Variants in ERICH2 observed in about 807,000 individuals in gnomAD.
The protein encoded by ERICH2 is glutamate rich 2, also known as glutamate-rich protein 2.
In ERICH2, 17 loss-of-function variants were observed where a neutral mutation model predicts 17.4. That is an observed-to-expected ratio of 0.98 (90% CI 0.67 to 1.47). ERICH2 has a LOEUF of 1.47. Among genes scored for constraint, ERICH2 ranks in the 40% most tolerant of loss-of-function variants. ERICH2 has a pLI of 0.00. For synonymous variants in ERICH2, 51 were observed against 61.1 expected (o/e 0.83, Z 0.77); for missense variants, 186 against 183.2 (o/e 1.01, Z -0.09).
chr2:170,789,294 A>C (rs1456423297), intron 2 of ERICH2, among the ~76,000 whole-genome samples: 1 of 152,090 alleles, frequency 6.6e-6, no homozygotes, highest in Non-Finnish European at 1.5e-5. Flanking sequence ...GAAATACTTG[A>C]AATTGGTTGT....
intron 2 of ERICH2, among the ~76,000 whole-genome samples, chr2:170,792,404 TAAA>T (rs1320175774): frequency 6.6e-6 from 1 of 152,128 alleles, no homozygotes; most frequent in Admixed American, 6.5e-5. Flanking sequence ...AAAAGTATAA[TAAA>T]AATAATAAAA....
intron 1 of ERICH2, among the ~76,000 whole-genome samples, 155 bp from the exon 7 acceptor site, chr2:170,784,489 TGA>T (rs1172194411): frequency 2.0e-5 from 3 of 152,178 alleles, no homozygotes; most frequent in Non-Finnish European, 2.9e-5. Context: ...GAGATTTAAA[TGA>T]GTTAAAATAT....
rs1196580024 is a variant in ERICH2 at position 170,798,130 on chromosome 2, A to C, written c.346+18A>C. On this transcript the variant is annotated intron_variant, in intron 4 of 4. Transcript: ENST00000409885. The stretch of plus-strand genomic sequence containing the variant: ...GCTGATGGGTAATTTTAAAAATTGA[A>C]ATTCCTTGTTTCTCATAGAACTATA... 2 of 1,478,226 alleles carry C rather than the reference A, an allele frequency of 1.4e-6. No individual in the cohort carries two copies. The highest frequency in any genetic ancestry group is 1.8e-6 in the Non-Finnish European group (2 of 1,081,654). The allele number at this position is 1,478,226 out of a possible 1,614,324, so 91.6% of individuals were successfully genotyped here.
intron 2 of ERICH2, among the ~76,000 whole-genome samples, chr2:170,787,796 C>T (rs1436292178): frequency 6.6e-6 from 1 of 151,684 alleles, no homozygotes; most frequent in Non-Finnish European, 1.5e-5. Context: ...ATGCTGGCCC[C>T]TGGAAACAGC....
chr2:170,795,607 G>A (rs1215422110), intron 3 of ERICH2, among the ~76,000 whole-genome samples: 4 of 152,080 alleles, frequency 2.6e-5, no homozygotes, highest in Non-Finnish European at 4.4e-5. Context: ...TCAGCCTCCC[G>A]AAGTGTTGGG....
chr2:170,777,454 T>C, the ERICH2 span: 1 of 1,210,998 alleles, frequency 8.3e-7, no homozygotes, highest in Non-Finnish European at 1.0e-6. Flanking sequence ...TGAAAGAATA[T>C]GTTTAGCCAC....
chr2:170,793,947 C>T (rs1290801282), intron 3 of ERICH2, among the ~76,000 whole-genome samples: 2 of 151,890 alleles, frequency 1.3e-5, no homozygotes, highest in Non-Finnish European at 2.9e-5. Flanking sequence ...CACTTCTAGT[C>T]TATCCTCTCT....
upstream of ERICH2, among the ~76,000 whole-genome samples, chr2:170,781,622 G>C (rs1701030499): frequency 7.0e-6 from 1 of 143,818 alleles, no homozygotes; most frequent in South Asian, 2.3e-4. Flanking sequence ...GATAGAGCGA[G>C]ACTTGGTCTA....
the ERICH2 span, chr2:170,771,058 C>G: frequency 6.5e-6 from 1 of 152,932 alleles, no homozygotes; most frequent in African/African-American, 2.4e-5. This position sits in a 1 kb window ranked among gnomAD's most constrained non-coding sequence, Gnocchi z 4.8. Flanking sequence ...GAGCTTCCTC[C>G]ACGCGCCGTG....
At chr2:170,777,299 TA>T in the ERICH2 span, 1 of 404,252 alleles carries the variant, frequency 2.5e-6, no homozygotes, top group Non-Finnish European at 3.4e-6. Context: ...AATGTTTACA[TA>T]AAGGCTATTA....
chr2:170,778,016 T>A, the ERICH2 span: 2 of 224,556 alleles, frequency 8.9e-6, no homozygotes, highest in Non-Finnish European at 1.7e-5. Context: ...CAATATTTCT[T>A]CAAGTGAATA....
intron 3 of ERICH2, among the ~76,000 whole-genome samples, chr2:170,797,003 TA>T (rs1452025812): frequency 2.0e-5 from 3 of 152,076 alleles, no homozygotes; most frequent in Non-Finnish European, 2.9e-5. Flanking sequence ...CTAACAAGCC[TA>T]AAAAAGTCTA....
rs190530209 is a variant in ERICH2 at position 170,789,275 on chromosome 2, C to G, written c.217-3588C>G. 2.2e-3 allele frequency among the ~76,000 whole-genome samples: 336 copies of G among 152,080 alleles called. 5 individuals are homozygous for G. Among genetic ancestry groups the G allele is most frequent in the African/African-American group, 7.5e-3 (312 of 41,510 alleles). Reference sequence around the variant, plus strand: ...CCACTGTGCCCATCCTAGATATATACTTCTGACTGAAATACTTGAAATTGG... The same window carrying G: ...CCACTGTGCCCATCCTAGATATATAGTTCTGACTGAAATACTTGAAATTGG... On this transcript the variant is annotated intron_variant, in intron 2 of 4. Transcript: ENST00000409885.
the ERICH2 span, chr2:170,777,778 A>G: frequency 4.3e-5 from 33 of 773,934 alleles, no homozygotes; most frequent in Non-Finnish European, 5.6e-5. Context: ...TTAAATTTGA[A>G]AGGCCAGAAA....
At chr2:170,788,828 A>G (rs1043606408) in intron 2 of ERICH2, among the ~76,000 whole-genome samples, 1 of 152,042 alleles carries the variant, frequency 6.6e-6, no homozygotes, top group Admixed American at 6.5e-5. Context: ...AGAACAATGA[A>G]CACCTGAATA....
chr2:170,780,194 A>C (rs945464335), upstream of ERICH2, among the ~76,000 whole-genome samples: 3 of 152,148 alleles, frequency 2.0e-5, no homozygotes, highest in South Asian at 2.1e-4. Context: ...CCTCAGTTGT[A>C]ATTGTAGTTA....
At chr2:170,783,476 G>A (rs1701077153), upstream of ERICH2, among the ~76,000 whole-genome samples, 1 of 152,068 alleles carries the variant, frequency 6.6e-6, no homozygotes, top group Non-Finnish European at 1.5e-5. Context: ...TTGAACCTGG[G>A]GAGCAGAGGA....
the ERICH2 span, among the ~76,000 whole-genome samples, chr2:170,774,748 G>T: frequency 0.63 from 94,594 of 150,564 alleles, 29,968 homozygotes; most frequent in East Asian, 0.78. Context: ...AATTTTTTTT[G>T]ATATTTTTAG....
At chr2:170,778,865 G>C (rs571070640), upstream of ERICH2, among the ~76,000 whole-genome samples, 14 of 152,234 alleles carry the variant, frequency 9.2e-5, no homozygotes, top group South Asian at 1.2e-3. Flanking sequence ...GTTGGAACTG[G>C]AGCAAGGGGT....
Sources: gnomAD v4.1 joint callset for allele counts (sites outside exome capture counted in the v4.1 genomes callset) on GRCh38, gnomAD v4.1.1 for gene constraint, Gnocchi (gnomAD v3.1) non-coding constraint, MANE v1.5 for transcripts, NCBI Gene and HGNC (gene_info 2026-07-23, HGNC 2026-07-21) for gene names.